Variants in FBXL17 observed in about 807,000 individuals in gnomAD.
FBXL17 encodes the protein F-box/LRR-repeat protein 17.
A neutral mutation model predicts 66.2 loss-of-function variants in FBXL17; 22 were observed. The ratio of observed to expected loss-of-function variants is 0.33; its 90% CI spans 0.24 to 0.47. FBXL17 has a LOEUF of 0.47. Ranked by LOEUF, FBXL17 falls within the 20% of genes least tolerant of loss-of-function variation. The pLI, the probability that FBXL17 is intolerant of heterozygous loss-of-function variation, is 1.00. For missense variants in FBXL17, 878 were observed against 948.2 expected, an observed-to-expected ratio of 0.93 and a Z score of 0.97; for synonymous variants, 474 against 400.5, an observed-to-expected ratio of 1.18 and a Z score of -2.19.
At chr5:108,064,123 G>A (rs1199825654) in intron 6 of FBXL17, among the ~76,000 whole-genome samples, 1 of 151,988 alleles carries the variant, frequency 6.6e-6, no homozygotes, top group East Asian at 1.9e-4. Flanking sequence ...TTTTAAAAAT[G>A]AAATAGCTTC....
chr5:108,237,525 A>C (rs555839592), intron 4 of FBXL17, among the ~76,000 whole-genome samples: 15 of 152,312 alleles, frequency 9.8e-5, no homozygotes, highest in Admixed American at 7.8e-4. Flanking sequence ...GAAGGAGTCT[A>C]TTTTATTAGC....
At chr5:108,226,899 T>A (rs1036384180) in intron 4 of FBXL17, among the ~76,000 whole-genome samples, 1 of 152,122 alleles carries the variant, frequency 6.6e-6, no homozygotes. Context: ...TGGACTAGAA[T>A]TTACACCATT....
At position 108,009,300 on chromosome 5, in the gene FBXL17, T is replaced by C. The variant is rs868579095; in HGVS notation, c.1822+11625A>G. On this transcript the variant is annotated intron_variant, in intron 7 of 8. Coordinates refer to ENST00000542267, the MANE Select transcript of FBXL17 (RefSeq NM_001163315.3). ...ATATATATATATATATATATATATA[T>C]ACATATATACATACACATATAGTTT... 1.8e-3 allele frequency among the ~76,000 whole-genome samples: 117 copies of C among 63,264 alleles called. 11 individuals are homozygous for C. The highest frequency in any genetic ancestry group is 8.2e-3 in the Middle Eastern group (1 of 122). 41.5% of individuals were successfully genotyped at this position (63,264 alleles called of 152,430 possible). A position where few individuals can be genotyped will look rare whatever the true frequency, so the allele number is the denominator to read the frequency against.
At chr5:107,946,830 A>T (rs1751317726) in intron 7 of FBXL17, among the ~76,000 whole-genome samples, 1 of 152,156 alleles carries the variant, frequency 6.6e-6, no homozygotes, top group African/African-American at 2.4e-5. Flanking sequence ...ATATGGAGAA[A>T]AATACCCATG....
In FBXL17 at chr5:107,981,896, G is replaced by A. The variant is rs146320484; in HGVS notation, c.1822+39029C>T. ...CCTTCATTACGACTGAAAACACAAT[G>A]CCTCCCTATGGATAAAACCATGAAT... On this transcript the variant is annotated intron_variant, in intron 7 of 8. Transcript: ENST00000542267. 4.3e-4 allele frequency among the ~76,000 whole-genome samples: 65 copies of A among 152,208 alleles called. 1 individual carries two copies. Among genetic ancestry groups the A allele is most frequent in the African/African-American group, 1.6e-3 (65 of 41,552 alleles).
intron 7 of FBXL17, among the ~76,000 whole-genome samples, chr5:107,986,228 C>T (rs1181779080): frequency 2.0e-5 from 3 of 152,002 alleles, no homozygotes; most frequent in East Asian, 3.9e-4. Context: ...AAATATACTT[C>T]TTGCCTTCTT....
At chr5:108,320,921 G>A (rs973871509) in intron 4 of FBXL17, among the ~76,000 whole-genome samples, 9 of 151,738 alleles carry the variant, frequency 5.9e-5, no homozygotes, top group African/African-American at 1.7e-4. Context: ...GAAAAAGCAC[G>A]TTTAATGCCT....
chr5:108,306,741 A>G (rs1441081350), intron 4 of FBXL17, among the ~76,000 whole-genome samples: 2 of 152,050 alleles, frequency 1.3e-5, no homozygotes, highest in African/African-American at 4.8e-5. Flanking sequence ...GTGTCCACAG[A>G]ACACAGAGTC....
In FBXL17 at chr5:107,885,912, C is replaced by T. The variant is rs1055469992; in HGVS notation, c.1823-4733G>A. Among the ~76,000 whole-genome samples the T allele has an allele frequency of 1.1e-4, 16 of 151,062 alleles. No homozygotes were observed. In the South Asian group the frequency reaches 3.1e-3, roughly 30 times the overall value. Reference sequence around the variant, plus strand: ...TAGCTCTTTTTATATAGCTTTGACTCTCTGAACCATAATAATGCTTTACAC... The same window carrying T: ...TAGCTCTTTTTATATAGCTTTGACTTTCTGAACCATAATAATGCTTTACAC... On this transcript the variant is annotated intron_variant, in intron 7 of 8. Coordinates refer to ENST00000542267, the MANE Select transcript of FBXL17 (RefSeq NM_001163315.3).
intron 4 of FBXL17, among the ~76,000 whole-genome samples, chr5:108,250,605 C>G (rs1165645839): frequency 6.6e-6 from 1 of 152,004 alleles, no homozygotes; most frequent in Non-Finnish European, 1.5e-5. Context: ...GATAGAAATT[C>G]TGACAAACTC....
chr5:108,301,125 A>G (rs1758570321), intron 4 of FBXL17, among the ~76,000 whole-genome samples: 1 of 151,804 alleles, frequency 6.6e-6, no homozygotes, highest in Non-Finnish European at 1.5e-5. Flanking sequence ...GCCTCTGAGC[A>G]TATGAAAATG....
intron 7 of FBXL17, among the ~76,000 whole-genome samples, chr5:108,012,870 C>G (rs1754230084): frequency 6.6e-6 from 1 of 152,036 alleles, no homozygotes; most frequent in South Asian, 2.1e-4. Flanking sequence ...ACAAAATTAG[C>G]CGGGCGTGGT....
intron 7 of FBXL17, among the ~76,000 whole-genome samples, chr5:107,929,767 C>T (rs1750667444): frequency 6.6e-6 from 1 of 152,048 alleles, no homozygotes; most frequent in Admixed American, 6.6e-5. Context: ...TCCATCTCTT[C>T]CCCCATCTGT....
chr5:108,070,719 A>C (rs1748296358), intron 6 of FBXL17, among the ~76,000 whole-genome samples: 1 of 152,222 alleles, frequency 6.6e-6, no homozygotes, highest in Non-Finnish European at 1.5e-5. Flanking sequence ...GACAGTTTTT[A>C]CTAACCCTAG....
Position 107,950,681 on chromosome 5 carries a change from C to T in FBXL17, c.1823-69502G>A, listed in dbSNP as rs137962353. Among the ~76,000 whole-genome samples, 539 of 152,232 alleles carry T rather than the reference C, an allele frequency of 3.5e-3. 4 individuals are homozygous for T. The highest frequency in any genetic ancestry group is 0.013 in the African/African-American group (524 of 41,544). On this transcript the variant is annotated intron_variant, in intron 7 of 8. Coordinates refer to ENST00000542267, the MANE Select transcript of FBXL17 (RefSeq NM_001163315.3). The stretch of plus-strand genomic sequence containing the variant: ...TGCTCACTTAGAACATGTTTTAGAG[C>T]TGGGTGAGATATAATTTCCCTAAAT...
chr5:108,327,674 A>G (rs984102048), intron 4 of FBXL17, among the ~76,000 whole-genome samples: 2 of 152,206 alleles, frequency 1.3e-5, no homozygotes, highest in African/African-American at 4.8e-5. Context: ...AGAAATTCCC[A>G]AGATGAAAGG....
intron 5 of FBXL17, among the ~76,000 whole-genome samples, chr5:108,191,979 T>C (rs781179422): frequency 7.2e-5 from 11 of 152,200 alleles, no homozygotes; most frequent in Non-Finnish European, 1.6e-4. Flanking sequence ...ACTTGAAATA[T>C]GACAGTATCC....
At chr5:107,968,683 C>A (rs1212027894) in intron 7 of FBXL17, among the ~76,000 whole-genome samples, 1 of 151,818 alleles carries the variant, frequency 6.6e-6, no homozygotes, top group Admixed American at 6.6e-5. Flanking sequence ...GTGAATAATC[C>A]AAAAATAAAT....
chr5:107,879,355 G>A (rs1206122591), intron 8 of FBXL17: 1 of 985,276 alleles, frequency 1.0e-6, no homozygotes, highest in Non-Finnish European at 1.2e-6. Flanking sequence ...TGCCTATGGT[G>A]GACCCTTTAA....
Sources: allele counts gnomAD v4.1 joint callset (sites outside exome capture counted in the v4.1 genomes callset), GRCh38; gene constraint gnomAD v4.1.1; transcripts MANE v1.5; gene names NCBI Gene and HGNC (gene_info 2026-07-23, HGNC 2026-07-21).